MBD1: variants seen among roughly 807,000 people sequenced by gnomAD.
The protein encoded by MBD1 is methyl-CpG binding domain protein 1.
A neutral mutation model predicts 82.6 loss-of-function variants in MBD1; 25 were observed. The observed-to-expected ratio is 0.30, with a 90% CI of 0.22 to 0.42. The LOEUF (loss-of-function observed/expected upper bound fraction) is 0.42. MBD1 is among the 10% of genes least tolerant of loss of function. The probability of loss-of-function intolerance (pLI) is 1.00; values close to 1 mark genes in which losing one functional copy is unlikely to be tolerated. For synonymous variants in MBD1, 301 were observed against 303.7 expected (o/e 0.99, Z 0.09); for missense variants, 627 against 819.6 (o/e 0.76, Z 2.87).
At chr18:50,281,224 C>G in intron 1 of MBD1, 139 bp downstream of exon 1, 1 of 1,535,158 alleles carries the variant, frequency 6.5e-7, no homozygotes, top group South Asian at 1.2e-5. Flanking sequence ...CATTTCTCCT[C>G]GTCAGTATTC....
intron 1 of MBD1, 88 bp downstream of exon 1, chr18:50,281,275 T>A: frequency 6.8e-7 from 1 of 1,476,078 alleles, no homozygotes; most frequent in East Asian, 2.5e-5. Context: ...TGAGGGCCCT[T>A]CATTCCTCCC....
intron 16 of MBD1, 165 bp downstream of exon 16, chr18:50,271,304 C>A: frequency 6.6e-7 from 1 of 1,508,888 alleles, no homozygotes; most frequent in Non-Finnish European, 8.8e-7. Flanking sequence ...TCCTTTCCCG[C>A]TTACTTCTTC....
In MBD1 at chr18:50,281,380, G is replaced by A; in HGVS notation, c.-43C>T. 4.2e-6 allele frequency: 3 copies of A among 719,058 alleles called. No homozygotes were observed. In the South Asian group the frequency reaches 5.0e-5, roughly 12 times the overall value. 44.5% of individuals were successfully genotyped at this position (719,058 alleles called of 1,614,324 possible). A position where few individuals can be genotyped will look rare whatever the true frequency, so the allele number is the denominator to read the frequency against. On this transcript the variant is annotated 5_prime_UTR_variant, in exon 1 of 17. Transcript: ENST00000269468. ...TGTCTCACCAGTTTGGCACCAGGCC[G>A]GTATCTTCCGCCACTCTAGGCCCGT...
chr18:50,273,728 G>A lies in MBD1; in HGVS notation c.1282C>T (p.Arg428Cys), dbSNP rs775229161. 5.6e-6 allele frequency: 9 copies of A among 1,614,166 alleles called. No individual in the cohort carries two copies. The highest frequency in any genetic ancestry group is 3.3e-5 in the Admixed American group (2 of 60,038). ...TGGGTATGGTCTGGTTGGGCTGTGCGTGTAGCCAAGGTGGGCTTCAAGGTA... is the reference window on the plus strand; with the variant it reads ...TGGGTATGGTCTGGTTGGGCTGTGCATGTAGCCAAGGTGGGCTTCAAGGTA... ...GPTLKPTLAT[R>C]TAQPDHTQAP... Residue 428 changes from arginine (R) to cysteine (C), a missense_variant, in exon 12 of 17, where the codon CGC (arginine) becomes TGC (cysteine). By Grantham distance (180) the Arg-to-Cys change is radical. Transcript: ENST00000269468.
chr18:50,269,041 ATAT>A lies in MBD1; in HGVS notation c.*807_*809del, dbSNP rs1448668411. On this transcript the variant is annotated 3_prime_UTR_variant, in exon 17 of 17. Coordinates refer to ENST00000269468, the MANE Select transcript of MBD1 (RefSeq NM_015846.4). Reference sequence around the variant, plus strand: ...GAAATCCATTCACCATTTGTAATACATATTGATGCATTTAATAAAATTGCATGG... The same window carrying A: ...GAAATCCATTCACCATTTGTAATACATGATGCATTTAATAAAATTGCATGG... The A allele has an allele frequency of 8.4e-5, 83 of 986,994 alleles. No individual in the cohort carries two copies. Among genetic ancestry groups the A allele is most frequent in the Non-Finnish European group, 9.5e-5 (79 of 830,950 alleles). The allele number at this position is 986,994 out of a possible 1,614,324, so 61.1% of individuals were successfully genotyped here.
In MBD1 at chr18:50,274,361, G is replaced by A. The variant is rs199625541; in HGVS notation, c.979-8C>T. 7 of 1,609,826 alleles carry A rather than the reference G, an allele frequency of 4.3e-6. No homozygotes were observed. Among genetic ancestry groups the A allele is most frequent in the Admixed American group, 3.3e-5 (2 of 59,898 alleles). On this transcript the variant is annotated splice_region_variant and splice_polypyrimidine_tract_variant and intron_variant, in intron 10 of 16. Coordinates refer to ENST00000269468, the MANE Select transcript of MBD1 (RefSeq NM_015846.4). ...GCGGTTCGTGTAGGGCTGCTGGGGT[G>A]GGGGGAATGGGTGGTGCTGTCAACT...
chr18:50,274,490 C>G, intron 10 of MBD1, 137 bp from the exon 11 acceptor site: 2 of 908,268 alleles, frequency 2.2e-6, no homozygotes, highest in Non-Finnish European at 3.3e-6. Flanking sequence ...AGCCTCCTGA[C>G]TCCCCACTAG....
rs200561867 is a variant in MBD1, at chr18:50,272,885, T to C, written c.1655A>G (p.Lys552Arg). 7.8e-5 allele frequency: 126 copies of C among 1,614,096 alleles called. No homozygotes were observed. Among genetic ancestry groups the C allele is most frequent in the Non-Finnish European group, 9.4e-5 (111 of 1,180,022 alleles). Reference sequence around the variant, plus strand: ...GGCCAATTTGGAGGCAGAATCATCCTTGTTCTCCTCCTTGTCCTCCTCTGG... The same window carrying C: ...GGCCAATTTGGAGGCAGAATCATCCCTGTTCTCCTCCTTGTCCTCCTCTGG... ...PDPEEDKEEN[K>R]DDSASKLAPE... The change falls in exon 14 of 17, where the codon AAG (lysine) becomes AGG (arginine). Residue 552 changes from lysine (K) to arginine (R), a missense_variant. Transcript: ENST00000269468.
At chr18:50,279,847 C>A in intron 2 of MBD1, 36 bp downstream of exon 2, 1 of 1,613,424 alleles carries the variant, frequency 6.2e-7, no homozygotes, top group South Asian at 1.1e-5. Context: ...TCAGGCTCTA[C>A]CCCACTCCTG....
chr18:50,273,193 TAGAC>T (rs1275059047), intron 13 of MBD1, 137 bp downstream of exon 13: 3 of 1,343,222 alleles, frequency 2.2e-6, no homozygotes, highest in East Asian at 2.5e-5. Flanking sequence ...GGGTGTCTGT[TAGAC>T]AGGCGGGGTA....
intron 16 of MBD1, 41 bp from the exon 17 acceptor site, chr18:50,269,859 A>G: frequency 1.2e-6 from 1 of 864,996 alleles, no homozygotes; most frequent in Non-Finnish European, 2.0e-6. Flanking sequence ...ACAGCCTTAC[A>G]GAGACTGTTT....
At chr18:50,272,299 G>C (rs1402814688) in intron 15 of MBD1, among the ~76,000 whole-genome samples, 1 of 152,124 alleles carries the variant, frequency 6.6e-6, no homozygotes, top group East Asian at 1.9e-4. Flanking sequence ...AGGTCTCCTG[G>C]AGACTCTAAA....
At chr18:50,267,603 G>A (rs34500680), downstream of MBD1, 88,762 of 1,533,968 alleles carry the variant, frequency 0.058, 3,092 homozygotes, top group Non-Finnish European at 0.066. Flanking sequence ...GAACCAGGAC[G>A]GACCTGCAGC....
downstream of MBD1, among the ~76,000 whole-genome samples, chr18:50,268,200 G>A (rs1260891892): frequency 6.6e-6 from 1 of 152,198 alleles, no homozygotes; most frequent in Non-Finnish European, 1.5e-5. Context: ...CGGGAAGGCG[G>A]CAATGAAAAC....
chr18:50,268,967 C>G lies in MBD1; in HGVS notation c.*884G>C, dbSNP rs1400436844. 1.0e-6 allele frequency: 1 copy of G among 984,836 alleles called. No individual in the cohort carries two copies. Among genetic ancestry groups the G allele is most frequent in the Non-Finnish European group, 1.2e-6 (1 of 829,474 alleles). 61.0% of individuals were successfully genotyped at this position (984,836 alleles called of 1,614,324 possible). A position where few individuals can be genotyped will look rare whatever the true frequency, so the allele number is the denominator to read the frequency against. ...GTTCACAAAAGGGCTGTCCTCCCAA[C>G]AATTTTCTGAATTCTATATATTCAG... On this transcript the variant is annotated 3_prime_UTR_variant, in exon 17 of 17. Coordinates refer to ENST00000269468, the MANE Select transcript of MBD1 (RefSeq NM_015846.4).
In MBD1 at chr18:50,280,208, G is replaced by A. The variant is rs546489724; in HGVS notation, c.-25-191C>T. Among the ~76,000 whole-genome samples the A allele has an allele frequency of 2.6e-5, 4 of 152,098 alleles. No individual in the cohort carries two copies. The South Asian group carries it at 8.3e-4, about 32-fold the overall frequency. Reference sequence around the variant, plus strand: ...CCATTCTTTCCTATTCTGGGCCTAGGATATCATCATTCCTCAACCCAAGGA... The same window carrying A: ...CCATTCTTTCCTATTCTGGGCCTAGAATATCATCATTCCTCAACCCAAGGA... On this transcript the variant is annotated intron_variant, in intron 1 of 16. Coordinates refer to ENST00000269468, the MANE Select transcript of MBD1 (RefSeq NM_015846.4).
At chr18:50,280,483 C>T (rs963999651) in intron 1 of MBD1, among the ~76,000 whole-genome samples, 21 of 151,898 alleles carry the variant, frequency 1.4e-4, no homozygotes, top group African/African-American at 4.8e-4. Context: ...CTCATTCCCC[C>T]CTTCCTTGAC....
chr18:50,270,450 G>T, intron 16 of MBD1: 2 of 417,688 alleles, frequency 4.8e-6, no homozygotes, highest in South Asian at 3.6e-5. Flanking sequence ...CAGCCTCCTA[G>T]AACACATTCA....
intron 2 of MBD1, 70 bp from the exon 3 acceptor site, chr18:50,277,274 C>T: frequency 1.6e-6 from 2 of 1,244,208 alleles, no homozygotes; most frequent in Non-Finnish European, 2.3e-6. Flanking sequence ...AACCTTTTGA[C>T]AGGGCTGGCA....
Sources: allele counts gnomAD v4.1 joint callset (sites outside exome capture counted in the v4.1 genomes callset), GRCh38; gene constraint gnomAD v4.1.1; transcripts MANE v1.5; gene names NCBI Gene and HGNC (gene_info 2026-07-23, HGNC 2026-07-21).